TMEM135: variants seen among roughly 807,000 people sequenced by gnomAD.
TMEM135 encodes the protein transmembrane protein 135.
TMEM135 carries 30 observed loss-of-function variants against 60.3 expected under a neutral mutation model. The observed-to-expected ratio is 0.50, with a 90% CI of 0.37 to 0.68. The LOEUF is 0.68. TMEM135 is among the 30% of genes least tolerant of loss of function. The probability of loss-of-function intolerance (pLI) is 0.00; values close to 1 mark genes in which losing one functional copy is unlikely to be tolerated. For missense variants in TMEM135, 468 were observed against 548.8 expected, an observed-to-expected ratio of 0.85 and a Z score of 1.47; for synonymous variants, 190 against 186.7, an observed-to-expected ratio of 1.02 and a Z score of -0.14.
intron 10 of TMEM135, among the ~76,000 whole-genome samples, chr11:87,310,479 G>A (rs1942622405): frequency 6.6e-6 from 1 of 152,092 alleles, no homozygotes; most frequent in East Asian, 1.9e-4. Context: ...GGCTTCTAGA[G>A]GAGGGAGGGA....
chr11:87,312,460 T>C (rs1370749135), intron 10 of TMEM135, among the ~76,000 whole-genome samples: 4 of 151,912 alleles, frequency 2.6e-5, no homozygotes, highest in African/African-American at 9.7e-5. Flanking sequence ...CTCCACGATA[T>C]GTTGTTACTA....
chr11:87,104,681 G>C (rs762989948), intron 4 of TMEM135, among the ~76,000 whole-genome samples: 1 of 152,094 alleles, frequency 6.6e-6, no homozygotes, highest in Non-Finnish European at 1.5e-5. Flanking sequence ...TGTTGTTGCT[G>C]TTGTAAATGG....
At chr11:87,151,672 A>G (rs1938559228) in intron 4 of TMEM135, among the ~76,000 whole-genome samples, 2 of 148,724 alleles carry the variant, frequency 1.3e-5, no homozygotes, top group Non-Finnish European at 3.0e-5. Flanking sequence ...CCAAAAGTTA[A>G]CATCTTGTGG....
At chr11:87,161,516 A>G (rs921418257) in intron 5 of TMEM135, among the ~76,000 whole-genome samples, 10 of 152,132 alleles carry the variant, frequency 6.6e-5, no homozygotes, top group Non-Finnish European at 5.9e-5. Context: ...GTTTTTCTTA[A>G]TCTCAATTTT....
intron 5 of TMEM135, among the ~76,000 whole-genome samples, chr11:87,163,279 T>C (rs1485033096): frequency 3.5e-5 from 5 of 142,346 alleles, no homozygotes; most frequent in Non-Finnish European, 7.6e-5. Flanking sequence ...TGAGTGAGAA[T>C]ATGCGGTGTT....
chr11:87,298,891 G>C (rs567773332), intron 7 of TMEM135, among the ~76,000 whole-genome samples: 1 of 151,460 alleles, frequency 6.6e-6, no homozygotes, highest in African/African-American at 2.4e-5. Context: ...ATTGAGACCA[G>C]ACTGACCAAC....
At position 87,200,309 on chromosome 11, in the gene TMEM135, T is replaced by C. The variant is rs926042560; in HGVS notation, c.463-36329T>C. On this transcript the variant is annotated intron_variant, in intron 5 of 14. Transcript: ENST00000305494. Reference sequence around the variant, plus strand: ...ATAAGAAAATAACCTAACTGTATAATTGAATTATCTTGTTATGATTTTGGT... The same window carrying C: ...ATAAGAAAATAACCTAACTGTATAACTGAATTATCTTGTTATGATTTTGGT... 1.9e-4 allele frequency among the ~76,000 whole-genome samples: 29 copies of C among 152,280 alleles called. No individual in the cohort carries two copies. The East Asian group carries it at 3.9e-3, about 20-fold the overall frequency.
At chr11:87,117,497 C>A (rs185959919) in intron 4 of TMEM135, among the ~76,000 whole-genome samples, 1 of 152,164 alleles carries the variant, frequency 6.6e-6, no homozygotes. Context: ...GTTGTCATTT[C>A]AATAATGTCC....
intron 4 of TMEM135, among the ~76,000 whole-genome samples, chr11:87,102,700 A>ATATGTATG (rs1286193209): frequency 2.3e-5 from 2 of 87,864 alleles, no homozygotes; most frequent in East Asian, 8.4e-4. Flanking sequence ...GTGTATATAT[A>ATATGTATG]TATGTATATA....
intron 7 of TMEM135, among the ~76,000 whole-genome samples, chr11:87,296,144 T>C (rs1418075589): frequency 6.6e-6 from 1 of 152,150 alleles, no homozygotes. Context: ...AAAAGTTAAG[T>C]ATTTAATTGT....
intron 4 of TMEM135, among the ~76,000 whole-genome samples, chr11:87,156,303 A>G (rs1353605876): frequency 6.6e-6 from 1 of 152,106 alleles, no homozygotes; most frequent in Admixed American, 6.6e-5. Flanking sequence ...GAGTCCTTCA[A>G]CTTTCTTCTT....
intron 4 of TMEM135, among the ~76,000 whole-genome samples, chr11:87,114,948 T>C (rs1857841795): frequency 6.6e-6 from 1 of 152,236 alleles, no homozygotes; most frequent in African/African-American, 2.4e-5. Context: ...CTAGAATAGA[T>C]GGCTGACCAT....
intron 3 of TMEM135, among the ~76,000 whole-genome samples, chr11:87,073,868 A>G (rs565396004): frequency 1.4e-4 from 22 of 152,128 alleles, no homozygotes; most frequent in East Asian, 9.7e-4. Flanking sequence ...GGGTTTCACC[A>G]TGCTAGCCAG....
At chr11:87,078,281 G>A (rs538154200) in intron 3 of TMEM135, among the ~76,000 whole-genome samples, 2 of 152,280 alleles carry the variant, frequency 1.3e-5, no homozygotes, top group Admixed American at 6.5e-5. Context: ...ATTGTAGTGA[G>A]TGTGAAGTAT....
chr11:87,223,014 A>T (rs1940677603), intron 5 of TMEM135, among the ~76,000 whole-genome samples: 1 of 152,198 alleles, frequency 6.6e-6, no homozygotes, highest in Non-Finnish European at 1.5e-5. Context: ...TCTTAAGGTT[A>T]CACAACACAA....
chr11:87,165,806 T>G (rs4451756), intron 5 of TMEM135, among the ~76,000 whole-genome samples: 53,421 of 147,760 alleles, frequency 0.36, 10,518 homozygotes, highest in East Asian at 0.66. Flanking sequence ...CCAGGAGCTG[T>G]TTTTTTGAAA....
At chr11:87,126,631 G>A (rs1937741623) in intron 4 of TMEM135, among the ~76,000 whole-genome samples, 1 of 151,380 alleles carries the variant, frequency 6.6e-6, no homozygotes, top group African/African-American at 2.4e-5. Context: ...ATACTTGCAG[G>A]AGAAAAGGAC....
At position 87,285,692 on chromosome 11, in the gene TMEM135, A is replaced by T. The variant is rs532945136; in HGVS notation, c.510-10090A>T. ...AGTGAGCAGCAGCAAGAGGTATTGC[A>T]AAGAGCGAAAGAACAAAGCTTTCAC... On this transcript the variant is annotated intron_variant, in intron 6 of 14. Coordinates refer to ENST00000305494, the MANE Select transcript of TMEM135 (RefSeq NM_022918.4). 4.2e-3 allele frequency among the ~76,000 whole-genome samples: 634 copies of T among 152,330 alleles called. 4 individuals carry two copies. Among genetic ancestry groups the T allele is most frequent in the African/African-American group, 0.014 (602 of 41,564 alleles).
chr11:87,148,234 A>T (rs145782245), intron 4 of TMEM135, among the ~76,000 whole-genome samples: 3 of 152,238 alleles, frequency 2.0e-5, no homozygotes. Context: ...CTCTGAATTC[A>T]TTATTTTTGA....
Sources: allele counts gnomAD v4.1 joint callset (sites outside exome capture counted in the v4.1 genomes callset), GRCh38; gene constraint gnomAD v4.1.1; transcripts MANE v1.5; gene names NCBI Gene and HGNC (gene_info 2026-07-23, HGNC 2026-07-21).